The following PALS1 variants were observed in gnomAD, a reference collection of about 807,000 sequenced individuals.
PALS1 encodes the protein protein associated with LIN7 1, MAGUK p55 family member.
PALS1 carries 31 observed loss-of-function variants against 78.9 expected under a neutral mutation model. The ratio of observed to expected loss-of-function variants is 0.39; its 90% CI spans 0.30 to 0.53. PALS1 has a LOEUF of 0.53. PALS1 is among the 20% of genes least tolerant of loss of function. PALS1 has a pLI of 0.67. For synonymous variants in PALS1, 276 were observed against 270.9 expected (o/e 1.02, Z -0.18); for missense variants, 704 against 826.5 (o/e 0.85, Z 1.82).
At chr14:67,280,727 C>T (rs2084589766) in intron 3 of PALS1, among the ~76,000 whole-genome samples, 2 of 151,996 alleles carry the variant, frequency 1.3e-5, no homozygotes, top group South Asian at 4.2e-4. Flanking sequence ...CTAATTTGGC[C>T]AAAGGTACCA....
intron 14 of PALS1, among the ~76,000 whole-genome samples, chr14:67,329,877 A>C (rs560172692): frequency 2.3e-5 from 2 of 86,874 alleles, no homozygotes; most frequent in African/African-American, 1.4e-4. Flanking sequence ...TAAATAAATA[A>C]ATAGATATAG....
At chr14:67,282,427 A>G (rs1420825181) in intron 3 of PALS1, among the ~76,000 whole-genome samples, 1 of 152,134 alleles carries the variant, frequency 6.6e-6, no homozygotes, top group Non-Finnish European at 1.5e-5. Context: ...ACAATACATC[A>G]TCATTTATCT....
intron 1 of PALS1, among the ~76,000 whole-genome samples, chr14:67,255,888 T>C (rs1042296772): frequency 1.3e-5 from 2 of 152,226 alleles, no homozygotes; most frequent in Non-Finnish European, 2.9e-5. Flanking sequence ...GGTTTCACCA[T>C]GTTGGCCAGG....
At chr14:67,282,826 G>A (rs1356766195) in intron 3 of PALS1, among the ~76,000 whole-genome samples, 2 of 152,086 alleles carry the variant, frequency 1.3e-5, no homozygotes. Context: ...CCTCGGAAAA[G>A]AAAATAATGC....
intron 14 of PALS1, 121 bp downstream of exon 14, chr14:67,323,933 G>A (rs966390483): frequency 1.7e-6 from 1 of 581,756 alleles, no homozygotes; most frequent in African/African-American, 2.0e-5. Flanking sequence ...TATTTTTTCT[G>A]TAATATTACT....
chr14:67,287,601 G>T (rs1310053755), intron 3 of PALS1, among the ~76,000 whole-genome samples: 1 of 152,220 alleles, frequency 6.6e-6, no homozygotes, highest in African/African-American at 2.4e-5. Context: ...TGCAACGCTG[G>T]TAGGGGTATG....
rs2085474972 is a variant in PALS1, at chr14:67,333,042, G to T, written c.*86G>T. On this transcript the variant is annotated 3_prime_UTR_variant, in exon 15 of 15. Coordinates refer to ENST00000261681, the MANE Select transcript of PALS1 (RefSeq NM_022474.4). ...CTGCCCGACACTGCAGCAAGATTGA[G>T]GATAAGATGGAAGGCAGCAGTATAA... is the stretch of plus-strand genomic sequence containing the variant. The T allele has an allele frequency of 1.7e-6, 2 of 1,188,518 alleles. No individual in the cohort carries two copies. Among genetic ancestry groups the T allele is most frequent in the African/African-American group, 3.0e-5 (2 of 65,630 alleles). The allele number at this position is 1,188,518 out of a possible 1,614,324, so 73.6% of individuals were successfully genotyped here. A position where few individuals can be genotyped will look rare whatever the true frequency, so the allele number is the denominator to read the frequency against.
chr14:67,312,031 A>G (rs186212307), intron 8 of PALS1: 21 of 152,734 alleles, frequency 1.4e-4, no homozygotes, highest in Admixed American at 1.2e-3. Context: ...TACCTTTTCT[A>G]GTAGCTGTGG....
chr14:67,331,531 A>G (rs1197382251), intron 14 of PALS1, among the ~76,000 whole-genome samples: 1 of 152,142 alleles, frequency 6.6e-6, no homozygotes, highest in African/African-American at 2.4e-5. Context: ...GAGAGTGGCT[A>G]TCTAGCAGTA....
intron 1 of PALS1, among the ~76,000 whole-genome samples, chr14:67,248,911 T>C (rs1475563113): frequency 6.6e-6 from 1 of 152,046 alleles, no homozygotes; most frequent in African/African-American, 2.4e-5. Context: ...CCTCCCAAGT[T>C]GGCCTCCTAA....
chr14:67,288,097 C>T (rs768255959), intron 3 of PALS1, among the ~76,000 whole-genome samples: 2 of 151,272 alleles, frequency 1.3e-5, no homozygotes, highest in East Asian at 1.9e-4. Context: ...TTTTTTCCTT[C>T]GAGACAGAGT....
At chr14:67,297,191 G>A (rs1053169327) in intron 4 of PALS1, among the ~76,000 whole-genome samples, 2 of 152,296 alleles carry the variant, frequency 1.3e-5, no homozygotes, top group African/African-American at 4.8e-5. Context: ...TCTTGAATAA[G>A]ATAAAGAAAC....
chr14:67,267,057 A>T (rs1251554231), intron 1 of PALS1, among the ~76,000 whole-genome samples: 1 of 151,902 alleles, frequency 6.6e-6, no homozygotes, highest in Non-Finnish European at 1.5e-5. Context: ...CCAGTGAGCC[A>T]AGATTGTGCC....
At chr14:67,268,259 T>C (rs2084359253) in intron 1 of PALS1, among the ~76,000 whole-genome samples, 1 of 152,242 alleles carries the variant, frequency 6.6e-6, no homozygotes, top group Non-Finnish European at 1.5e-5. Flanking sequence ...TTTTCTTGTT[T>C]GTAGTGTTAT....
intron 9 of PALS1, among the ~76,000 whole-genome samples, chr14:67,314,400 A>G (rs565120691): frequency 2.0e-5 from 3 of 152,238 alleles, no homozygotes; most frequent in East Asian, 1.9e-4. Flanking sequence ...GAAAGCTTCA[A>G]ATTTCTCACT....
intron 11 of PALS1, among the ~76,000 whole-genome samples, chr14:67,319,650 G>A (rs926968262): frequency 6.6e-6 from 1 of 151,632 alleles, no homozygotes; most frequent in Non-Finnish European, 1.5e-5. Context: ...ATCTCACAGT[G>A]TTTTAAGAAA....
chr14:67,267,072 C>T (rs2140548223), intron 1 of PALS1, among the ~76,000 whole-genome samples: 1 of 152,136 alleles, frequency 6.6e-6, no homozygotes. Context: ...TGTGCCACTG[C>T]ACTCCAGCCT....
intron 3 of PALS1, among the ~76,000 whole-genome samples, chr14:67,285,001 G>A (rs973926849): frequency 4.6e-5 from 7 of 151,886 alleles, no homozygotes; most frequent in South Asian, 4.1e-4. Context: ...TCCTCCCACC[G>A]TGGCCTTCCA....
At chr14:67,300,993 G>A (rs1034437597) in intron 4 of PALS1, among the ~76,000 whole-genome samples, 1 of 152,048 alleles carries the variant, frequency 6.6e-6, no homozygotes, top group Non-Finnish European at 1.5e-5. Flanking sequence ...CACCCAGCCT[G>A]ACTATAACTC....
Sources: allele counts gnomAD v4.1 joint callset (sites outside exome capture counted in the v4.1 genomes callset), GRCh38; gene constraint gnomAD v4.1.1; transcripts MANE v1.5; gene names NCBI Gene and HGNC (gene_info 2026-07-23, HGNC 2026-07-21).